Variants in ATXN7 observed in about 807,000 individuals in gnomAD.
The protein encoded by ATXN7 is ataxin 7.
A neutral mutation model predicts 70.5 loss-of-function variants in ATXN7; 12 were observed. The observed-to-expected ratio is 0.17, with a 90% CI of 0.11 to 0.28. ATXN7 has a LOEUF of 0.28. ATXN7 is among the 10% of genes least tolerant of loss of function. ATXN7 has a pLI of 1.00. For synonymous variants in ATXN7, 498 were observed against 448.7 expected, an observed-to-expected ratio of 1.11 and a Z score of -1.39; for missense variants, 1,256 against 1,131.7, an observed-to-expected ratio of 1.11 and a Z score of -1.58.
upstream of ATXN7, chr3:63,863,753 G>T: frequency 8.0e-7 from 1 of 1,250,580 alleles, no homozygotes; most frequent in Non-Finnish European, 1.0e-6. Context: ...GGCGCGTGTG[G>T]CGGCGAGCGG....
intron 11 of ATXN7, 146 bp downstream of exon 11, chr3:63,991,005 T>C (rs1031885277): frequency 1.7e-6 from 2 of 1,182,826 alleles, no homozygotes; most frequent in African/African-American, 3.0e-5. Context: ...TTGTCATTCA[T>C]TCATTCATTT....
chr3:63,918,370 C>T (rs1016237111), intron 4 of ATXN7, among the ~76,000 whole-genome samples: 1 of 152,012 alleles, frequency 6.6e-6, no homozygotes. Flanking sequence ...GTATAATATC[C>T]TCTCCCTTAA....
intron 1 of ATXN7, among the ~76,000 whole-genome samples, chr3:63,888,545 G>A (rs183975624): frequency 6.6e-6 from 1 of 152,278 alleles, no homozygotes; most frequent in Non-Finnish European, 1.5e-5. Flanking sequence ...TTGGAAGGCT[G>A]AGGCAGGTGG....
Position 63,976,117 on chromosome 3 carries a change from A to G in ATXN7, c.500-3798A>G, listed in dbSNP as rs554603048. On this transcript the variant is annotated intron_variant, in intron 5 of 12. Coordinates refer to ENST00000674280, the MANE Select transcript of ATXN7 (RefSeq NM_001377405.1). The stretch of plus-strand genomic sequence containing the variant: ...ATCTGGCCACCACTTTGTCCACTTA[A>G]TATAGGGTCCCTAACCCCACCTATA... 7.8e-4 allele frequency among the ~76,000 whole-genome samples: 119 copies of G among 152,288 alleles called. 1 individual carries two copies. The highest frequency in any genetic ancestry group is 2.7e-3 in the African/African-American group (112 of 41,562).
Position 63,913,975 on chromosome 3 carries a change from C to T in ATXN7, c.394+750C>T, listed in dbSNP as rs149603947. On this transcript the variant is annotated intron_variant, in intron 4 of 12. Transcript: ENST00000674280. Reference sequence around the variant, plus strand: ...ATAGTAAGCTTTTGTTGTCTAATACCTGCACTAGGCCTGGGCATACCGTGG... The same window carrying T: ...ATAGTAAGCTTTTGTTGTCTAATACTTGCACTAGGCCTGGGCATACCGTGG... 7.6e-3 allele frequency among the ~76,000 whole-genome samples: 1,154 copies of T among 152,200 alleles called. 17 individuals are homozygous for T. The highest frequency in any genetic ancestry group is 0.025 in the African/African-American group (1,023 of 41,528).
At chr3:63,967,898 AC>A (rs767534687) in intron 5 of ATXN7, 1 of 1,535,974 alleles carries the variant, frequency 6.5e-7, no homozygotes. Flanking sequence ...ATGAAGCACA[AC>A]CAAATTCTGT....
intron 4 of ATXN7, among the ~76,000 whole-genome samples, chr3:63,926,325 G>A (rs1467353146): frequency 6.6e-6 from 1 of 152,180 alleles, no homozygotes; most frequent in Non-Finnish European, 1.5e-5. Context: ...TTTGGAAAAA[G>A]ATGAAGTATG....
chr3:63,986,824 C>G (rs192172914), intron 8 of ATXN7, among the ~76,000 whole-genome samples: 1 of 152,124 alleles, frequency 6.6e-6, no homozygotes, highest in Non-Finnish European at 1.5e-5. Flanking sequence ...GCATAATTCC[C>G]TTTTTAAGTC....
upstream of ATXN7, chr3:63,863,730 G>C (rs970418331): frequency 4.8e-6 from 6 of 1,248,674 alleles, no homozygotes; most frequent in Non-Finnish European, 6.0e-6. Context: ...GAGGCCCAGC[G>C]GGCCGTGCAG....
intron 4 of ATXN7, among the ~76,000 whole-genome samples, chr3:63,915,456 T>TATC (rs1457304591): frequency 6.6e-6 from 1 of 152,220 alleles, no homozygotes; most frequent in Non-Finnish European, 1.5e-5. Flanking sequence ...AGTGGACCTT[T>TATC]ATGTTCTCCT....
chr3:63,971,551 G>A (rs2075312633), intron 5 of ATXN7, among the ~76,000 whole-genome samples: 1 of 152,118 alleles, frequency 6.6e-6, no homozygotes, highest in South Asian at 2.1e-4. Flanking sequence ...AATTTAGAGG[G>A]AAAAGTTGAC....
At chr3:63,887,275 A>G (rs79701772) in intron 1 of ATXN7, among the ~76,000 whole-genome samples, 1,846 of 152,242 alleles carry the variant, frequency 0.012, 14 homozygotes, top group Non-Finnish European at 0.021. Context: ...AATGACTTAC[A>G]CTGGCTTTGT....
In ATXN7 at chr3:63,990,349, C is replaced by T; in HGVS notation, c.1535C>T (p.Ser512Leu). 6.2e-7 allele frequency: 1 copy of T among 1,614,154 alleles called. No individual in the cohort carries two copies. Among genetic ancestry groups the T allele is most frequent in the Non-Finnish European group, 8.5e-7 (1 of 1,180,022 alleles). Reference sequence around the variant, plus strand: ...GTTGAAAAACTGGACTGTCATTATTCAGGTCATCATCCTCAGCCAGCATCT... The same window carrying T: ...GTTGAAAAACTGGACTGTCATTATTTAGGTCATCATCCTCAGCCAGCATCT... ...ESVEKLDCHY[S>L]GHHPQPASFC... The change falls in exon 10 of 13, where the codon TCA becomes TTA. Residue 512 changes from serine to leucine, a missense_variant. Coordinates refer to ENST00000674280, the MANE Select transcript of ATXN7 (RefSeq NM_001377405.1).
chr3:63,924,861 G>A (rs923854602), intron 4 of ATXN7, among the ~76,000 whole-genome samples: 4 of 152,174 alleles, frequency 2.6e-5, no homozygotes, highest in African/African-American at 9.7e-5. Context: ...ATGGGGTAAA[G>A]GATCTAAGGG....
At chr3:63,899,105 C>T (rs542189627) in intron 2 of ATXN7, among the ~76,000 whole-genome samples, 61 of 151,954 alleles carry the variant, frequency 4.0e-4, no homozygotes, top group Non-Finnish European at 8.1e-4. Flanking sequence ...CTCTGTTACC[C>T]AGGCTGGAGT....
chr3:63,944,525 T>G (rs552222020), intron 4 of ATXN7, among the ~76,000 whole-genome samples: 51 of 152,070 alleles, frequency 3.4e-4, no homozygotes, highest in Admixed American at 2.9e-3. Flanking sequence ...CAGGATGGAG[T>G]GGGATGGTGC....
At chr3:63,968,959 G>A (rs149886061) in intron 5 of ATXN7, among the ~76,000 whole-genome samples, 2 of 152,240 alleles carry the variant, frequency 1.3e-5, no homozygotes, top group East Asian at 3.9e-4. Flanking sequence ...TAATCAAATT[G>A]CTGTTGATTC....
chr3:63,957,300 T>C (rs1311271880), intron 5 of ATXN7, among the ~76,000 whole-genome samples: 1 of 152,216 alleles, frequency 6.6e-6, no homozygotes, highest in Non-Finnish European at 1.5e-5. Context: ...ACTCAGATGT[T>C]GGCTGTTTAA....
intron 8 of ATXN7, among the ~76,000 whole-genome samples, chr3:63,986,929 C>T (rs1225574602): frequency 5.9e-5 from 9 of 152,074 alleles, no homozygotes; most frequent in African/African-American, 1.7e-4. Context: ...AAGAAGGAAA[C>T]GTGGGTGAAT....
Sources: gnomAD v4.1 joint callset for allele counts (sites outside exome capture counted in the v4.1 genomes callset) on GRCh38, gnomAD v4.1.1 for gene constraint, MANE v1.5 for transcripts, NCBI Gene and HGNC (gene_info 2026-07-23, HGNC 2026-07-21) for gene names.